Variants in SLC25A13 observed in about 807,000 individuals in gnomAD.
SLC25A13 encodes the protein solute carrier family 25 member 13, also known as electrogenic aspartate/glutamate antiporter SLC25A13, mitochondrial.
Under a neutral mutation model 85.5 loss-of-function variants are expected in SLC25A13, and 70 were observed. That is an observed-to-expected ratio of 0.82 (90% CI 0.68 to 1.00). SLC25A13 has a LOEUF of 1.00. SLC25A13 is among the 50% of genes least tolerant of loss of function. The probability of loss-of-function intolerance (pLI) is 0.00; values close to 1 mark genes in which losing one functional copy is unlikely to be tolerated. For synonymous variants in SLC25A13, 259 were observed against 288.7 expected, an observed-to-expected ratio of 0.90 and a Z score of 1.04; for missense variants, 765 against 819.8, an observed-to-expected ratio of 0.93 and a Z score of 0.82.
chr7:96,237,386 G>T (rs1487309254), intron 3 of SLC25A13, among the ~76,000 whole-genome samples: 1 of 152,198 alleles, frequency 6.6e-6, no homozygotes, highest in Non-Finnish European at 1.5e-5. Context: ...GCTGTATTTG[G>T]AGAAGCATGT....
intron 3 of SLC25A13, among the ~76,000 whole-genome samples, chr7:96,238,927 T>C (rs932345789): frequency 1.3e-5 from 2 of 150,982 alleles, no homozygotes; most frequent in African/African-American, 4.9e-5. Context: ...GCTTAATATA[T>C]ATAAAAGGCT....
intron 15 of SLC25A13, among the ~76,000 whole-genome samples, chr7:96,123,013 A>G (rs1427993690): frequency 6.6e-5 from 10 of 152,166 alleles, no homozygotes; most frequent in Non-Finnish European, 1.5e-5. Context: ...TCCTTCTAAC[A>G]GACAGCTTTA....
chr7:96,150,205 A>G (rs1032208402), intron 13 of SLC25A13, among the ~76,000 whole-genome samples: 1 of 151,930 alleles, frequency 6.6e-6, no homozygotes, highest in African/African-American at 2.4e-5. Context: ...CAATTATTAT[A>G]GACTCACTTC....
chr7:96,184,924 A>G lies in SLC25A13; in HGVS notation c.1018+3T>C, dbSNP rs373818105. 12 of 1,613,384 alleles carry G rather than the reference A, an allele frequency of 7.4e-6. No individual in the cohort carries two copies. The highest frequency in any genetic ancestry group is 1.0e-5 in the Non-Finnish European group (12 of 1,179,394). On this transcript the variant is annotated splice_donor_region_variant and intron_variant, in intron 10 of 17. Transcript: ENST00000265631. ...GAAAATTTTTCTCTCATCCATGACT[A>G]ACCTCCAGCAACAGAACCCAGACCA...
intron 11 of SLC25A13, among the ~76,000 whole-genome samples, chr7:96,182,274 G>A (rs1794446425): frequency 1.3e-5 from 2 of 152,110 alleles, no homozygotes; most frequent in South Asian, 4.2e-4. Flanking sequence ...TTACAGAATG[G>A]GACTAAACAA....
At chr7:96,136,492 C>T (rs992906448) in intron 14 of SLC25A13, among the ~76,000 whole-genome samples, 8 of 152,184 alleles carry the variant, frequency 5.3e-5, no homozygotes, top group Non-Finnish European at 1.0e-4. Context: ...CTCTTTCTCT[C>T]GCACGCATGC....
In SLC25A13 at chr7:96,170,202, A is replaced by G. The variant is rs563013769; in HGVS notation, c.1231-77T>C. On this transcript the variant is annotated intron_variant, in intron 12 of 17. Transcript: ENST00000265631. Reference sequence around the variant, plus strand: ...AAACACTTATAAATATGCATCTGTCAATATATGCTATTTTTTTCTATCAGT... The same window carrying G: ...AAACACTTATAAATATGCATCTGTCGATATATGCTATTTTTTTCTATCAGT... The G allele has an allele frequency of 3.1e-4, 388 of 1,249,036 alleles. 9 individuals are homozygous for G. The South Asian group carries it at 4.6e-3, about 15-fold the overall frequency. The allele number at this position is 1,249,036 out of a possible 1,614,324, so 77.4% of individuals were successfully genotyped here. A position where few individuals can be genotyped will look rare whatever the true frequency, so the allele number is the denominator to read the frequency against.
chr7:96,190,082 A>ATT (rs765043025), intron 7 of SLC25A13, among the ~76,000 whole-genome samples: 84 of 132,170 alleles, frequency 6.4e-4, no homozygotes, highest in African/African-American at 1.8e-3. Context: ...GGGAATTCTG[A>ATT]TTTTTTTTTT....
Position 96,134,814 on chromosome 7 carries a change from A to ATATATATATATATATATATATATAT in SLC25A13, c.1453-2934_1453-2933insATATATATATATATATATATATATA, listed in dbSNP as rs1554337570. Among the ~76,000 whole-genome samples the ATATATATATATATATATATATATAT allele has an allele frequency of 1.6e-3, 104 of 64,432 alleles. 1 individual carries two copies. The highest frequency in any genetic ancestry group is 7.5e-3 in the African/African-American group (96 of 12,850). 42.3% of individuals were successfully genotyped at this position (64,432 alleles called of 152,430 possible). ...AATTTTATATATATATATATATATA[A>ATATATATATATATATATATATATAT]CCCTGAGGAAAGGGTAGAATTGCAA... is the stretch of plus-strand genomic sequence containing the variant. On this transcript the variant is annotated intron_variant, in intron 14 of 17. Transcript: ENST00000265631.
At chr7:96,243,126 C>A (rs971404215) in intron 3 of SLC25A13, among the ~76,000 whole-genome samples, 1 of 152,116 alleles carries the variant, frequency 6.6e-6, no homozygotes, top group South Asian at 2.1e-4. Context: ...CCACCATCCC[C>A]GGCTAATTTT....
chr7:96,189,253 T>C (rs770090713), intron 9 of SLC25A13, 41 bp downstream of exon 9: 2 of 1,565,812 alleles, frequency 1.3e-6, no homozygotes, highest in Non-Finnish European at 1.8e-6. Flanking sequence ...GGTATCCTGC[T>C]AAGGAAACCC....
chr7:96,249,892 A>AC (rs1451893455), intron 3 of SLC25A13, among the ~76,000 whole-genome samples: 6 of 151,634 alleles, frequency 4.0e-5, no homozygotes, highest in Non-Finnish European at 2.9e-5. Flanking sequence ...AAAAAAAAAA[A>AC]AAAACTCTAG....
At chr7:96,185,336 G>T (rs1359990046) in intron 9 of SLC25A13, among the ~76,000 whole-genome samples, 1 of 152,054 alleles carries the variant, frequency 6.6e-6, no homozygotes, top group African/African-American at 2.4e-5. Context: ...GGTGGCTCAC[G>T]CCTGTAATCC....
intron 2 of SLC25A13, among the ~76,000 whole-genome samples, chr7:96,290,290 A>C (rs1417092384): frequency 6.6e-6 from 1 of 152,230 alleles, no homozygotes; most frequent in Non-Finnish European, 1.5e-5. Context: ...AAACATGGAA[A>C]GGAACAACTG....
At chr7:96,300,200 T>C (rs936050969) in intron 1 of SLC25A13, among the ~76,000 whole-genome samples, 1 of 152,034 alleles carries the variant, frequency 6.6e-6, no homozygotes, top group Non-Finnish European at 1.5e-5. Context: ...ACTTGAGCCC[T>C]GGAGTTTGAG....
At chr7:96,212,086 C>T (rs1479736701) in intron 4 of SLC25A13, among the ~76,000 whole-genome samples, 1 of 45,656 alleles carries the variant, frequency 2.2e-5, no homozygotes, top group Non-Finnish European at 4.4e-5. Flanking sequence ...AATGTGTAAA[C>T]ACAGATCATG....
chr7:96,121,389 G>T lies in SLC25A13; in HGVS notation c.1842-12C>A, dbSNP rs201468457. Reference sequence around the variant, plus strand: ...ATCCCATGGGTTTTCTAAAAGAAGAGAAAACAGAGTAAGAAGCTGTATTTT... The same window carrying T: ...ATCCCATGGGTTTTCTAAAAGAAGATAAAACAGAGTAAGAAGCTGTATTTT... On this transcript the variant is annotated splice_polypyrimidine_tract_variant and intron_variant, in intron 17 of 17. Coordinates refer to ENST00000265631, the MANE Select transcript of SLC25A13 (RefSeq NM_014251.3). The T allele has an allele frequency of 5.9e-5, 96 of 1,613,976 alleles. 1 individual carries two copies. The East Asian group carries it at 2.0e-3, about 34-fold the overall frequency.
At chr7:96,262,860 C>T (rs1486363244) in intron 3 of SLC25A13, among the ~76,000 whole-genome samples, 1 of 152,138 alleles carries the variant, frequency 6.6e-6, no homozygotes, top group Non-Finnish European at 1.5e-5. Flanking sequence ...TTTAACCTCT[C>T]TAATTCTCCA....
chr7:96,183,420 T>C (rs1794496323), intron 11 of SLC25A13, among the ~76,000 whole-genome samples: 1 of 152,204 alleles, frequency 6.6e-6, no homozygotes, highest in African/African-American at 2.4e-5. Context: ...TAAATACTGT[T>C]TTCTTCATCT....
Sources: gnomAD v4.1 joint callset for allele counts (sites outside exome capture counted in the v4.1 genomes callset) on GRCh38, gnomAD v4.1.1 for gene constraint, MANE v1.5 for transcripts, NCBI Gene and HGNC (gene_info 2026-07-23, HGNC 2026-07-21) for gene names.